NFIC: variants seen among roughly 807,000 people sequenced by gnomAD.
NFIC encodes the protein nuclear factor 1 C-type.
In NFIC, 12 loss-of-function variants were observed where a neutral mutation model predicts 54.4. The ratio of observed to expected loss-of-function variants is 0.22; its 90% CI spans 0.14 to 0.36. NFIC has a LOEUF of 0.36. NFIC is among the 10% of genes least tolerant of loss of function. NFIC has a pLI of 1.00. For missense variants in NFIC, 575 were observed against 718.2 expected (o/e 0.80, Z 2.28); for synonymous variants, 322 against 319.2 (o/e 1.01, Z -0.09).
At position 3,389,883 on chromosome 19, in the gene NFIC, C is replaced by T. The variant is rs193023786; in HGVS notation, c.562+7640C>T. Among the ~76,000 whole-genome samples, 340 of 152,334 alleles carry T rather than the reference C, an allele frequency of 2.2e-3. 2 individuals are homozygous for T. Among genetic ancestry groups the T allele is most frequent in the African/African-American group, 7.9e-3 (328 of 41,574 alleles). On this transcript the variant is annotated intron_variant, in intron 2 of 10. Coordinates refer to ENST00000443272, the MANE Select transcript of NFIC (RefSeq NM_001245002.2). ...CCTGTAATCCCAGCTAGTCAGGAGGCTAAGGCAGGAGAATTGCTTGAGCCC... is the reference window on the plus strand; with the variant it reads ...CCTGTAATCCCAGCTAGTCAGGAGGTTAAGGCAGGAGAATTGCTTGAGCCC...
chr19:3,367,476 C>T (rs963908580), intron 1 of NFIC, among the ~76,000 whole-genome samples: 3 of 82,870 alleles, frequency 3.6e-5, no homozygotes, highest in Non-Finnish European at 1.1e-4. Flanking sequence ...GCCCCGTCCC[C>T]TCCCCCTCCC....
intron 1 of NFIC, among the ~76,000 whole-genome samples, chr19:3,359,858 C>A (rs1034979807): frequency 7.3e-5 from 11 of 150,684 alleles, no homozygotes; most frequent in Non-Finnish European, 1.2e-4. Flanking sequence ...CCCACGATCC[C>A]CCCCCGCACC....
Position 3,452,362 on chromosome 19 carries a change from A to G in NFIC, c.1085-120A>G, listed in dbSNP as rs2082477704. ...GTGCTGCTGGGTTTTTTTGGTGGTT[A>G]TTGTTACTAAACGCACTGAGATGCC... On this transcript the variant is annotated intron_variant, in intron 7 of 10. Transcript: ENST00000443272. This position sits in a 1 kb window ranked among gnomAD's most constrained non-coding sequence, Gnocchi z 5.3. 3 of 1,326,366 alleles carry G rather than the reference A, an allele frequency of 2.3e-6. No individual in the cohort carries two copies. The highest frequency in any genetic ancestry group is 3.1e-6 in the Non-Finnish European group (3 of 962,972). The allele number at this position is 1,326,366 out of a possible 1,614,324, so 82.2% of individuals were successfully genotyped here.
chr19:3,389,352 G>A (rs1568414543), intron 2 of NFIC, among the ~76,000 whole-genome samples: 1 of 152,178 alleles, frequency 6.6e-6, no homozygotes, highest in Non-Finnish European at 1.5e-5. Context: ...TGGGGTTGAG[G>A]GGAGTGGAGG....
At chr19:3,438,716 C>T (rs901697008) in intron 6 of NFIC, among the ~76,000 whole-genome samples, 39 of 151,820 alleles carry the variant, frequency 2.6e-4, no homozygotes, top group Non-Finnish European at 4.1e-4. Flanking sequence ...GGATTACAGG[C>T]GTGAGCCACC....
chr19:3,439,499 G>A (rs999866325), intron 6 of NFIC, among the ~76,000 whole-genome samples: 20 of 150,330 alleles, frequency 1.3e-4, no homozygotes, highest in Middle Eastern at 3.4e-3. Flanking sequence ...AAAATTAGCC[G>A]GGTGTGGTGG....
At chr19:3,434,662 G>A (rs988582432) in intron 5 of NFIC, among the ~76,000 whole-genome samples, 2 of 152,088 alleles carry the variant, frequency 1.3e-5, no homozygotes, top group East Asian at 1.9e-4. Flanking sequence ...CCACCCAGAA[G>A]AATGCAGACA....
At chr19:3,456,692 C>CG (rs2082563759) in intron 10 of NFIC, 57 bp downstream of exon 10, 3 of 1,341,702 alleles carry the variant, frequency 2.2e-6, no homozygotes, top group East Asian at 2.5e-5. Context: ...GGGGCCGGCC[C>CG]GGGGGGCTCA....
upstream of NFIC, among the ~76,000 whole-genome samples, chr19:3,366,264 C>G (rs955086688): frequency 7.1e-6 from 1 of 140,840 alleles, no homozygotes; most frequent in Non-Finnish European, 1.5e-5. Flanking sequence ...CCTGAGACGT[C>G]GGGGGAGGCT....
intron 2 of NFIC, among the ~76,000 whole-genome samples, chr19:3,402,904 A>C (rs1251549966): frequency 1.3e-5 from 2 of 152,168 alleles, no homozygotes; most frequent in Non-Finnish European, 2.9e-5. Context: ...AGGGGAGGGC[A>C]GAAAGCGGAC....
upstream of NFIC, among the ~76,000 whole-genome samples, chr19:3,362,031 G>A (rs550619193): frequency 1.6e-4 from 25 of 152,280 alleles, no homozygotes; most frequent in East Asian, 2.1e-3. Context: ...CTTGCGGGGG[G>A]ATAGACAACC....
At chr19:3,368,468 G>C (rs2080936662) in intron 1 of NFIC, among the ~76,000 whole-genome samples, 1 of 152,206 alleles carries the variant, frequency 6.6e-6, no homozygotes, top group African/African-American at 2.4e-5. Flanking sequence ...AAAAAACGGA[G>C]AGGCTAAAAA....
intron 1 of NFIC, among the ~76,000 whole-genome samples, chr19:3,379,587 C>A (rs1248129379): frequency 6.6e-6 from 1 of 151,706 alleles, no homozygotes; most frequent in African/African-American, 2.4e-5. Context: ...CTCAAGCGAT[C>A]CACCTGCCTC....
chr19:3,360,575 T>C (rs980799521), intron 1 of NFIC, among the ~76,000 whole-genome samples: 2 of 152,086 alleles, frequency 1.3e-5, no homozygotes, highest in African/African-American at 2.4e-5. Context: ...GGTGGTAGTG[T>C]ACCTGCCTTG....
rs1290115211 is a variant in NFIC, at chr19:3,370,312, ACT to A, written c.30+3651_30+3652del. On this transcript the variant is annotated intron_variant, in intron 1 of 10. Coordinates refer to ENST00000443272, the MANE Select transcript of NFIC (RefSeq NM_001245002.2). The surrounding 1 kb of genome is among the most constrained non-coding windows in gnomAD (Gnocchi z 5.2). Reference sequence around the variant, plus strand: ...CCCGGGGCCTGGTGGCCTCTGATTCACTCTCTACAAGGCTCCACCACTCTCCC... The same window carrying A: ...CCCGGGGCCTGGTGGCCTCTGATTCACTCTACAAGGCTCCACCACTCTCCC... Among the ~76,000 whole-genome samples, 3 of 150,522 alleles carry A rather than the reference ACT, an allele frequency of 2.0e-5. No individual in the cohort carries two copies. Among genetic ancestry groups the A allele is most frequent in the Admixed American group, 1.3e-4 (2 of 15,192 alleles).
chr19:3,456,070 G>T (rs557107005), intron 9 of NFIC, among the ~76,000 whole-genome samples: 6 of 152,126 alleles, frequency 3.9e-5, no homozygotes, highest in Non-Finnish European at 8.8e-5. Context: ...AAATATAATC[G>T]CTGAGGCTGA....
intron 2 of NFIC, among the ~76,000 whole-genome samples, chr19:3,396,114 G>A (rs189361897): frequency 6.6e-6 from 1 of 152,316 alleles, no homozygotes; most frequent in Non-Finnish European, 1.5e-5. Context: ...GTGAGGACTG[G>A]TGGTGACCCC....
At chr19:3,392,275 T>A (rs2081388444) in intron 2 of NFIC, among the ~76,000 whole-genome samples, 1 of 152,152 alleles carries the variant, frequency 6.6e-6, no homozygotes, top group Non-Finnish European at 1.5e-5. Flanking sequence ...TTTCACTATG[T>A]TGGCCAGGCT....
intron 6 of NFIC, among the ~76,000 whole-genome samples, chr19:3,445,179 G>T (rs371849099): frequency 6.6e-6 from 1 of 151,846 alleles, no homozygotes; most frequent in Admixed American, 6.5e-5. Flanking sequence ...ATACATGCAC[G>T]CACACACATG....
Sources: allele counts gnomAD v4.1 joint callset (sites outside exome capture counted in the v4.1 genomes callset), GRCh38; gene constraint gnomAD v4.1.1; non-coding constraint Gnocchi (gnomAD v3.1); transcripts MANE v1.5; gene names NCBI Gene and HGNC (gene_info 2026-07-23, HGNC 2026-07-21).